Variants in MAN2A1 observed in about 807,000 individuals in gnomAD.
MAN2A1 encodes mannosidase alpha class 2A member 1.
A neutral mutation model predicts 142.6 loss-of-function variants in MAN2A1; 76 were observed. The ratio of observed to expected loss-of-function variants is 0.53; its 90% CI spans 0.44 to 0.65. The LOEUF is 0.65. Ranked by LOEUF, MAN2A1 falls within the 30% of genes least tolerant of loss-of-function variation. The pLI is 0.00. For synonymous variants in MAN2A1, 559 were observed against 473.2 expected (o/e 1.18, Z -2.35); for missense variants, 1,311 against 1,365.1 (o/e 0.96, Z 0.62).
chr5:109,789,007 C>G lies in MAN2A1; in HGVS notation c.1834C>G (p.Leu612Val), dbSNP rs546917805. 6.2e-7 allele frequency: 1 copy of G among 1,603,250 alleles called. No individual in the cohort carries two copies. Among genetic ancestry groups the G allele is most frequent in the Admixed American group, 1.7e-5 (1 of 59,688 alleles). The change falls in exon 11 of 22, where the codon CTC (leucine) becomes GTC (valine). Residue 612 changes from leucine (L) to valine (V), a missense_variant. By Grantham distance (32) the Leu-to-Val change is conservative (BLOSUM62 1). This residue lies in a region of MAN2A1 where 890 missense variants were observed against 920.5 expected (regional missense o/e 0.97). Transcript: ENST00000261483. ...ATTTCTTCTTATTTTGAAGGACAAA[C>G]TCACATACGACTCTTACTCTCCTGA... ...SAFLLILKDKLTYDSYSPDTF... is the reference protein window; with the variant it reads ...SAFLLILKDKVTYDSYSPDTF...
At chr5:109,811,631 T>A (rs988631706) in intron 12 of MAN2A1, among the ~76,000 whole-genome samples, 1 of 151,796 alleles carries the variant, frequency 6.6e-6, no homozygotes, top group African/African-American at 2.4e-5. Context: ...TCTGCATGCA[T>A]ACGTATGCAT....
chr5:109,854,920 T>A (rs1755567966), intron 19 of MAN2A1: 2 of 372,226 alleles, frequency 5.4e-6, no homozygotes, highest in Non-Finnish European at 9.4e-6. Flanking sequence ...ATGGAAGATA[T>A]ATTTTAAACA....
In MAN2A1 at chr5:109,842,806, G is replaced by GTTTTTTTTTTTTTTTTTTTTTTTTTTTTT. The variant is rs768238978; in HGVS notation, c.2700+362_2700+363insTTTTTTTTTTTTTTTTTTTTTTTTTTTTT. Reference sequence around the variant, plus strand: ...GGGATTGATGGATTATACTTATTGGGTTTTTTTTTTTTTTTTTGAGAAAGA... The same window carrying GTTTTTTTTTTTTTTTTTTTTTTTTTTTTT: ...GGGATTGATGGATTATACTTATTGGGTTTTTTTTTTTTTTTTTTTTTTTTTTTTTTTTTTTTTTTTTTTTTTGAGAAAGA... On this transcript the variant is annotated intron_variant, in intron 17 of 21. Coordinates refer to ENST00000261483, the MANE Select transcript of MAN2A1 (RefSeq NM_002372.4). Among the ~76,000 whole-genome samples, 37 of 116,206 alleles carry GTTTTTTTTTTTTTTTTTTTTTTTTTTTTT rather than the reference G, an allele frequency of 3.2e-4. 1 individual carries two copies. Among genetic ancestry groups the GTTTTTTTTTTTTTTTTTTTTTTTTTTTTT allele is most frequent in the Non-Finnish European group, 4.8e-4 (28 of 57,778 alleles). 76.2% of individuals were successfully genotyped at this position (116,206 alleles called of 152,430 possible).
At chr5:109,746,046 C>T (rs936189224) in intron 4 of MAN2A1, among the ~76,000 whole-genome samples, 1 of 152,218 alleles carries the variant, frequency 6.6e-6, no homozygotes, top group East Asian at 1.9e-4. Flanking sequence ...GCAGTCTTGG[C>T]TCACTGCCAC....
At chr5:109,703,935 C>G (rs1751057965) in intron 1 of MAN2A1, among the ~76,000 whole-genome samples, 1 of 152,134 alleles carries the variant, frequency 6.6e-6, no homozygotes, top group Non-Finnish European at 1.5e-5. Context: ...CCATATGGTT[C>G]TAATCTAAAC....
intron 20 of MAN2A1, among the ~76,000 whole-genome samples, chr5:109,861,272 G>A (rs988262019): frequency 2.6e-5 from 4 of 152,172 alleles, no homozygotes; most frequent in Non-Finnish European, 5.9e-5. Flanking sequence ...AGCCCTATGA[G>A]TGCTTGACAA....
chr5:109,759,171 T>C (rs1217930628), intron 5 of MAN2A1, among the ~76,000 whole-genome samples: 1 of 152,158 alleles, frequency 6.6e-6, no homozygotes, highest in East Asian at 1.9e-4. Flanking sequence ...GTTTTAACAA[T>C]GTCACATCTT....
intron 12 of MAN2A1, among the ~76,000 whole-genome samples, chr5:109,790,804 A>G (rs1010371243): frequency 1.3e-5 from 2 of 152,028 alleles, no homozygotes; most frequent in African/African-American, 4.8e-5. Context: ...TAAGAATAAT[A>G]TATGCTGATA....
chr5:109,732,952 G>A (rs1367494608), intron 4 of MAN2A1, among the ~76,000 whole-genome samples: 1 of 152,144 alleles, frequency 6.6e-6, no homozygotes, highest in Admixed American at 6.5e-5. Flanking sequence ...ATTACCTTGG[G>A]CAGTATGGCC....
intron 19 of MAN2A1, among the ~76,000 whole-genome samples, chr5:109,852,514 A>G (rs1217399409): frequency 1.3e-5 from 2 of 152,160 alleles, no homozygotes; most frequent in Admixed American, 6.5e-5. Context: ...AAGGGCACCA[A>G]GAAGTCTGGC....
intron 9 of MAN2A1, among the ~76,000 whole-genome samples, chr5:109,783,195 T>C (rs1582892892): frequency 6.6e-6 from 1 of 152,252 alleles, no homozygotes; most frequent in Middle Eastern, 3.4e-3. Flanking sequence ...TGGTTACTGC[T>C]AGTAATATAT....
intron 1 of MAN2A1, among the ~76,000 whole-genome samples, chr5:109,695,346 T>A (rs1284424196): frequency 6.6e-6 from 1 of 152,256 alleles, no homozygotes; most frequent in Non-Finnish European, 1.5e-5. Flanking sequence ...CTCTCTTAGC[T>A]TTTAATTTGC....
intron 21 of MAN2A1, chr5:109,865,381 C>T (rs1755853068): frequency 2.0e-6 from 1 of 489,622 alleles, no homozygotes; most frequent in Admixed American, 3.4e-5. Context: ...GAAGGCAATG[C>T]TCTTGTTATT....
At chr5:109,821,588 T>C (rs1173066965) in intron 15 of MAN2A1, among the ~76,000 whole-genome samples, 1 of 152,196 alleles carries the variant, frequency 6.6e-6, no homozygotes, top group Non-Finnish European at 1.5e-5. Context: ...GCACTGAGAA[T>C]TGGCCATATT....
chr5:109,824,465 C>T (rs1754707923), intron 16 of MAN2A1, among the ~76,000 whole-genome samples: 1 of 152,124 alleles, frequency 6.6e-6, no homozygotes, highest in South Asian at 2.1e-4. Context: ...AAGACTTGCA[C>T]ATTTAGGTTG....
intron 1 of MAN2A1, among the ~76,000 whole-genome samples, chr5:109,702,345 G>GTGTC (rs1456742963): frequency 6.6e-6 from 1 of 151,708 alleles, no homozygotes; most frequent in Non-Finnish European, 1.5e-5. Context: ...GTGTGTGTGT[G>GTGTC]TGTGTGTCTG....
Position 109,802,490 on chromosome 5 carries a change from G to A in MAN2A1, c.1943+12963G>A, listed in dbSNP as rs149546515. 1.0e-3 allele frequency among the ~76,000 whole-genome samples: 154 copies of A among 152,196 alleles called. 1 individual carries two copies. The highest frequency in any genetic ancestry group is 3.6e-3 in the African/African-American group (150 of 41,546). ...AGTTCTGTAGAGTATTGGTTTGGGC[G>A]AATTATGAAATTGCTTAAAATAATT... On this transcript the variant is annotated intron_variant, in intron 12 of 21. Transcript: ENST00000261483.
chr5:109,830,915 CTGTT>C (rs1754890336), intron 16 of MAN2A1, among the ~76,000 whole-genome samples: 1 of 152,146 alleles, frequency 6.6e-6, no homozygotes, highest in African/African-American at 2.4e-5. Flanking sequence ...ATCTTTGGGG[CTGTT>C]TGAGAGCAGC....
At chr5:109,760,127 T>C (rs1256900387) in intron 5 of MAN2A1, among the ~76,000 whole-genome samples, 1 of 152,120 alleles carries the variant, frequency 6.6e-6, no homozygotes, top group African/African-American at 2.4e-5. Flanking sequence ...CCTAATGCTA[T>C]CCCTTCCCTA....
Sources: allele counts gnomAD v4.1 joint callset (sites outside exome capture counted in the v4.1 genomes callset), GRCh38; gene constraint gnomAD v4.1.1; regional missense constraint gnomAD v4.1.1; transcripts MANE v1.5; gene names NCBI Gene and HGNC (gene_info 2026-07-23, HGNC 2026-07-21).